STK32B: variants seen among roughly 807,000 people sequenced by gnomAD.
The protein encoded by STK32B is serine/threonine kinase 32B.
STK32B carries 43 observed loss-of-function variants against 52.6 expected under a neutral mutation model. The ratio of observed to expected loss-of-function variants is 0.82; its 90% CI spans 0.64 to 1.05. The LOEUF is 1.05. STK32B is among the 50% of genes least tolerant of loss of function. STK32B has a pLI of 0.00. For synonymous variants in STK32B, 238 were observed against 204.3 expected, an observed-to-expected ratio of 1.17 and a Z score of -1.41; for missense variants, 621 against 534.6, an observed-to-expected ratio of 1.16 and a Z score of -1.59.
At chr4:5,472,850 G>A (rs919751598) in intron 11 of STK32B, among the ~76,000 whole-genome samples, 1 of 151,850 alleles carries the variant, frequency 6.6e-6, no homozygotes, top group Non-Finnish European at 1.5e-5. Flanking sequence ...TTTAATCTAG[G>A]GTTTCTCAAC....
intron 3 of STK32B, among the ~76,000 whole-genome samples, chr4:5,273,640 C>T (rs11510440): frequency 5.2e-5 from 2 of 38,598 alleles, no homozygotes; most frequent in Admixed American, 3.0e-4. Flanking sequence ...GGCACATATA[C>T]ACCATGGAAT....
At chr4:5,094,507 AG>A (rs907919933) in intron 1 of STK32B, among the ~76,000 whole-genome samples, 2 of 152,064 alleles carry the variant, frequency 1.3e-5, no homozygotes, top group African/African-American at 4.8e-5. Context: ...TTTAAAAACT[AG>A]GTGGGCATGG....
chr4:5,168,176 C>A, intron 2 of STK32B, 123 bp from the exon 3 acceptor site: 2 of 1,312,386 alleles, frequency 1.5e-6, no homozygotes, highest in East Asian at 2.5e-5. Flanking sequence ...AGCTGCTCCC[C>A]TAGCAGATTT....
intron 1 of STK32B, among the ~76,000 whole-genome samples, chr4:5,117,521 T>G (rs969618812): frequency 6.6e-6 from 1 of 152,208 alleles, no homozygotes; most frequent in African/African-American, 2.4e-5. Flanking sequence ...AAATATGTGT[T>G]GTGTGTTTCA....
chr4:5,406,975 G>C (rs1014333293), intron 5 of STK32B, among the ~76,000 whole-genome samples: 2 of 152,230 alleles, frequency 1.3e-5, no homozygotes, highest in African/African-American at 4.8e-5. Flanking sequence ...TGGCCAGGCT[G>C]CATTTTCCAA....
At chr4:5,052,600 C>G (rs1741834604) in intron 1 of STK32B, among the ~76,000 whole-genome samples, 1 of 152,028 alleles carries the variant, frequency 6.6e-6, no homozygotes, top group African/African-American at 2.4e-5. Context: ...CAGCGTGTCC[C>G]TGGAAAACTT....
intron 4 of STK32B, among the ~76,000 whole-genome samples, chr4:5,340,591 CTAGAAGTGCATCCCAAGATGGATCT>C (rs1733010604): frequency 6.6e-6 from 1 of 152,120 alleles, no homozygotes; most frequent in African/African-American, 2.4e-5. Flanking sequence ...TCTGAAGGTC[CTAGAAGTGCATCCCAAGATGGATCT>C]TCATCCAAGG....
In STK32B at chr4:5,299,890, A is replaced by G. The variant is rs144067600; in HGVS notation, c.261-31330A>G. On this transcript the variant is annotated intron_variant, in intron 3 of 11. Transcript: ENST00000282908. The stretch of plus-strand genomic sequence containing the variant: ...AAGAAGAGCTGGTACCAATCCACTG[A>G]AACTATTCCAAAAATTAAGGAGGAT... Among the ~76,000 whole-genome samples the G allele has an allele frequency of 5.1e-3, 770 of 152,300 alleles. 8 individuals carry two copies. Among genetic ancestry groups the G allele is most frequent in the Middle Eastern group, 0.02 (6 of 294 alleles).
intron 3 of STK32B, among the ~76,000 whole-genome samples, chr4:5,207,712 T>C (rs1361450315): frequency 1.3e-5 from 2 of 151,566 alleles, no homozygotes; most frequent in Admixed American, 1.3e-4. Context: ...CAGCATTTTT[T>C]TTCTTAAGAA....
intron 3 of STK32B, among the ~76,000 whole-genome samples, chr4:5,174,235 T>G (rs1166780067): frequency 6.6e-6 from 1 of 151,968 alleles, no homozygotes; most frequent in Non-Finnish European, 1.5e-5. Flanking sequence ...AGGACACTGA[T>G]GGGTCTTGAC....
At chr4:5,447,832 C>T (rs1715606187) in intron 7 of STK32B, among the ~76,000 whole-genome samples, 1 of 152,172 alleles carries the variant, frequency 6.6e-6, no homozygotes. Context: ...CTGTGGGAGA[C>T]ATGGTTTGCC....
chr4:5,224,353 C>G (rs1397712256), intron 3 of STK32B, among the ~76,000 whole-genome samples: 1 of 152,204 alleles, frequency 6.6e-6, no homozygotes, highest in Non-Finnish European at 1.5e-5. Context: ...TCAGAACCTG[C>G]ATATCTTTTT....
intron 4 of STK32B, among the ~76,000 whole-genome samples, chr4:5,356,185 C>T (rs965335622): frequency 2.0e-5 from 3 of 152,102 alleles, no homozygotes; most frequent in African/African-American, 7.2e-5. Flanking sequence ...ACCTTTCTTG[C>T]CTTCTGGTAG....
intron 3 of STK32B, among the ~76,000 whole-genome samples, chr4:5,270,185 G>A (rs375247447): frequency 6.6e-6 from 1 of 152,090 alleles, no homozygotes; most frequent in South Asian, 2.1e-4. Context: ...ATATAAAGAG[G>A]AGTTTATTAA....
At chr4:5,304,507 G>C (rs1449195944) in intron 3 of STK32B, among the ~76,000 whole-genome samples, 7 of 151,516 alleles carry the variant, frequency 4.6e-5, no homozygotes, top group African/African-American at 1.7e-4. Flanking sequence ...TTATAACAGA[G>C]CTACTGATTT....
At chr4:5,050,441 T>C (rs531117483), upstream of STK32B, among the ~76,000 whole-genome samples, 2 of 151,588 alleles carry the variant, frequency 1.3e-5, no homozygotes, top group East Asian at 3.9e-4. Flanking sequence ...GTTTTGTTTC[T>C]GTATGAGTCT....
At chr4:5,498,916 C>T in intron 11 of STK32B, 29 bp from the exon 12 acceptor site, 1 of 1,600,620 alleles carries the variant, frequency 6.2e-7, no homozygotes, top group Non-Finnish European at 8.5e-7. Context: ...CATGCCGCAC[C>T]ACTAACTCAG....
chr4:5,440,238 A>G (rs1714587026), intron 6 of STK32B, among the ~76,000 whole-genome samples: 1 of 152,210 alleles, frequency 6.6e-6, no homozygotes, highest in South Asian at 2.1e-4. Flanking sequence ...ACCCATGAGC[A>G]TGGAATGTTC....
rs548892219 is a variant in STK32B at position 5,109,998 on chromosome 4, G to A, written c.53-29907G>A. Among the ~76,000 whole-genome samples, 3 of 143,238 alleles carry A rather than the reference G, an allele frequency of 2.1e-5. No individual in the cohort carries two copies. In the East Asian group the frequency reaches 6.2e-4, roughly 30 times the overall value. The allele number at this position is 143,238 out of a possible 152,430, so 94.0% of individuals were successfully genotyped here. ...AACATTCATACCGAGAACCAATCCC[G>A]TTTACAATAGCCACAGAAAAAAAAA... On this transcript the variant is annotated intron_variant, in intron 1 of 11. Coordinates refer to ENST00000282908, the MANE Select transcript of STK32B (RefSeq NM_018401.3).
Sources: gnomAD v4.1 joint callset for allele counts (sites outside exome capture counted in the v4.1 genomes callset) on GRCh38, gnomAD v4.1.1 for gene constraint, MANE v1.5 for transcripts, NCBI Gene and HGNC (gene_info 2026-07-23, HGNC 2026-07-21) for gene names.